UGT2A1: variants seen among roughly 807,000 people sequenced by gnomAD.
The protein encoded by UGT2A1 is UDP-glucuronosyltransferase 2A1.
Under a neutral mutation model 45.4 loss-of-function variants are expected in UGT2A1, and 61 were observed. That is an observed-to-expected ratio of 1.34 (90% confidence interval 1.09 to 1.66). The LOEUF (loss-of-function observed/expected upper bound fraction) is 1.66, where lower values mean the gene tolerates loss of function less well. UGT2A1 is among the 40% of genes most tolerant of loss of function. The pLI, the probability that UGT2A1 is intolerant of heterozygous loss-of-function variation, is 0.00. For missense variants in UGT2A1, 649 were observed against 574.3 expected (o/e 1.13, Z -1.33); for synonymous variants, 229 against 196.2 (o/e 1.17, Z -1.40).
chr4:69,599,273 G>A lies in UGT2A1; in HGVS notation c.969C>T (p.His323=), dbSNP rs954176560. 3.1e-6 allele frequency: 5 copies of A among 1,613,754 alleles called. No individual in the cohort carries two copies. In the South Asian group the frequency reaches 4.4e-5, roughly 14 times the overall value. Residue 323 remains histidine, a synonymous_variant, in exon 4 of 7, where the codon CAC becomes CAT. Coordinates refer to ENST00000286604, the MANE Select transcript of UGT2A1 (RefSeq NM_001252275.3). ...TAGGTAAAGGTTTGGCAGGTTTGCAGTGCAATCCTCCAACAAACTCAAAAT... is the reference window on the plus strand; with the variant it reads ...TAGGTAAAGGTTTGGCAGGTTTGCAATGCAATCCTCCAACAAACTCAAAAT... The part of the protein sequence containing the change: ...LPNFEFVGGL[H]CKPAKPLPKV...
chr4:69,621,516 G>A (rs1292989741), intron 3 of UGT2A1, among the ~76,000 whole-genome samples: 1 of 151,934 alleles, frequency 6.6e-6, no homozygotes, highest in Non-Finnish European at 1.5e-5. Context: ...TGCTGGCGAG[G>A]TTGCAGAGAA....
In UGT2A1 at chr4:69,622,294, A is replaced by C. The variant is rs1165642085; in HGVS notation, c.847+13397T>G. 1.2e-4 allele frequency among the ~76,000 whole-genome samples: 18 copies of C among 151,886 alleles called. No individual in the cohort carries two copies. The Admixed American group carries it at 1.2e-3, about 10-fold the overall frequency. ...AAGTAATAATATAATGTATAACACC[A>C]CAAAGATGGGAAATTGGCATACAAA... On this transcript the variant is annotated intron_variant, in intron 3 of 6. Transcript: ENST00000286604.
At chr4:69,593,991 T>TTTTTTTTTTTTTTTTTTTTTTTTC in intron 6 of UGT2A1, among the ~76,000 whole-genome samples, 1 of 150,272 alleles carries the variant, frequency 6.7e-6, no homozygotes. Flanking sequence ...GTTTTTTTTT[T>TTTTTTTTTTTTTTTTTTTTTTTTC]TGAGACTGAG....
chr4:69,640,376 C>T (rs2109971099), intron 2 of UGT2A1, among the ~76,000 whole-genome samples: 1 of 152,000 alleles, frequency 6.6e-6, no homozygotes, highest in Non-Finnish European at 1.5e-5. Context: ...CTTCTTGGTA[C>T]AGAGTAAGAG....
chr4:69,651,820 A>G (rs140911659), intron 1 of UGT2A1, among the ~76,000 whole-genome samples: 2 of 152,354 alleles, frequency 1.3e-5, no homozygotes, highest in African/African-American at 4.8e-5. Flanking sequence ...AAAGCCTCAG[A>G]TGAGCATATA....
intron 3 of UGT2A1, among the ~76,000 whole-genome samples, chr4:69,616,047 C>T (rs999086715): frequency 1.3e-5 from 2 of 151,944 alleles, no homozygotes; most frequent in African/African-American, 4.8e-5. Flanking sequence ...AAGTGAAAAT[C>T]CCGTCATTTG....
chr4:69,618,207 G>GTATGTT (rs1260210138), intron 3 of UGT2A1, among the ~76,000 whole-genome samples: 165 of 72,772 alleles, frequency 2.3e-3, no homozygotes, highest in African/African-American at 3.9e-3. Flanking sequence ...GTGTGTGTGT[G>GTATGTT]TGTGTGTGTA....
At chr4:69,617,528 T>C (rs1471200817) in intron 3 of UGT2A1, among the ~76,000 whole-genome samples, 3 of 151,886 alleles carry the variant, frequency 2.0e-5, no homozygotes, top group Admixed American at 6.6e-5. Context: ...ATAGGAAATA[T>C]TGTAGCCATT....
intron 3 of UGT2A1, among the ~76,000 whole-genome samples, chr4:69,622,302 G>T (rs1053464528): frequency 3.3e-5 from 5 of 151,398 alleles, no homozygotes; most frequent in Non-Finnish European, 7.4e-5. Context: ...CCACAAAGAT[G>T]GGAAATTGGC....
intron 3 of UGT2A1, among the ~76,000 whole-genome samples, chr4:69,605,620 C>A: frequency 7.4e-6 from 1 of 136,048 alleles, no homozygotes; most frequent in Non-Finnish European, 1.6e-5. Context: ...TTTAAAAAAT[C>A]AATGAATCCA....
chr4:69,637,795 C>A (rs1721794584), intron 2 of UGT2A1, among the ~76,000 whole-genome samples: 1 of 151,898 alleles, frequency 6.6e-6, no homozygotes, highest in Non-Finnish European at 1.5e-5. Flanking sequence ...GTATTCCTAC[C>A]ACTTAGACAA....
chr4:69,638,839 A>G (rs1032837368), intron 2 of UGT2A1: 11 of 1,462,328 alleles, frequency 7.5e-6, no homozygotes, highest in Admixed American at 5.4e-5. Flanking sequence ...CGTTTGCCAT[A>G]TGACAATAAG....
At chr4:69,634,130 A>C (rs914768995) in intron 3 of UGT2A1, among the ~76,000 whole-genome samples, 8 of 152,010 alleles carry the variant, frequency 5.3e-5, no homozygotes, top group Non-Finnish European at 1.0e-4. Flanking sequence ...CTGTAGTCCC[A>C]GCTACTCCGG....
chr4:69,619,171 G>T (rs1720593382), intron 3 of UGT2A1, among the ~76,000 whole-genome samples: 1 of 151,890 alleles, frequency 6.6e-6, no homozygotes. Flanking sequence ...GCCAATACAG[G>T]AGGATTGCTT....
chr4:69,639,058 T>G, intron 2 of UGT2A1: 1 of 1,613,388 alleles, frequency 6.2e-7, no homozygotes, highest in Non-Finnish European at 8.5e-7. Context: ...GGTGCTGGGA[T>G]TTTCCCACAG....
At chr4:69,639,363 T>A (rs375737823) in intron 2 of UGT2A1, 4 of 1,613,544 alleles carry the variant, frequency 2.5e-6, no homozygotes, top group African/African-American at 2.7e-5. Context: ...AATTAAGGAA[T>A]CTATATTGCT....
intron 3 of UGT2A1, among the ~76,000 whole-genome samples, chr4:69,604,070 C>T (rs1481200493): frequency 7.4e-6 from 1 of 135,838 alleles, no homozygotes; most frequent in Non-Finnish European, 1.6e-5. Context: ...CAGAGAACGC[C>T]ACAAAGATAC....
At chr4:69,624,485 G>A (rs1273653271) in intron 3 of UGT2A1, among the ~76,000 whole-genome samples, 1 of 151,098 alleles carries the variant, frequency 6.6e-6, no homozygotes, top group Admixed American at 6.6e-5. Context: ...TGTTTGAGTT[G>A]GGATTTATCA....
chr4:69,638,548 T>C (rs1721849853), intron 2 of UGT2A1, among the ~76,000 whole-genome samples: 1 of 152,158 alleles, frequency 6.6e-6, no homozygotes, highest in African/African-American at 2.4e-5. Flanking sequence ...GCATGGTAAA[T>C]CATGTATCAC....
Sources: allele counts gnomAD v4.1 joint callset (sites outside exome capture counted in the v4.1 genomes callset), GRCh38; gene constraint gnomAD v4.1.1; transcripts MANE v1.5; gene names NCBI Gene and HGNC (gene_info 2026-07-23, HGNC 2026-07-21).